RASGRF2: variants seen among roughly 807,000 people sequenced by gnomAD.
RASGRF2 encodes the protein Ras protein specific guanine nucleotide releasing factor 2, also known as ras-specific guanine nucleotide-releasing factor 2.
Under a neutral mutation model 151.0 loss-of-function variants are expected in RASGRF2, and 76 were observed. The ratio of observed to expected loss-of-function variants is 0.50; its 90% CI spans 0.42 to 0.61. RASGRF2 has a LOEUF of 0.61. Ranked by LOEUF, RASGRF2 falls within the 20% of genes least tolerant of loss-of-function variation. The probability of loss-of-function intolerance (pLI) is 0.00; values close to 1 mark genes in which losing one functional copy is unlikely to be tolerated. For synonymous variants in RASGRF2, 504 were observed against 566.5 expected (o/e 0.89, Z 1.57); for missense variants, 1,148 against 1,564.6 (o/e 0.73, Z 4.49).
chr5:81,123,687 C>T lies in RASGRF2; in HGVS notation c.2516C>T (p.Ser839Phe), dbSNP rs61759866. The T allele has an allele frequency of 1.2e-6, 2 of 1,613,990 alleles. No homozygotes were observed. Among genetic ancestry groups the T allele is most frequent in the South Asian group, 1.1e-5 (1 of 91,070 alleles). The change falls in exon 16 of 27, where the codon TCC becomes TTC. Residue 839 changes from serine (S) to phenylalanine (F), a missense_variant. By Grantham distance (155) the Ser-to-Phe change is radical (BLOSUM62 -2). Around this residue, in one of 5 missense-constraint regions of RASGRF2, gnomAD observed 646 missense variants for 807.4 expected, o/e 0.80. Transcript: ENST00000265080. ...APADRAGVES[S>F]PAADTTELSP... ...GCGGACCGAGCAGGAGTGGAAAGCT[C>T]CCCTGCAGCGGACACCACAGAACTT... is the stretch of plus-strand genomic sequence containing the variant.
chr5:81,061,039 C>CA (rs1751415019), intron 2 of RASGRF2, among the ~76,000 whole-genome samples: 1 of 151,778 alleles, frequency 6.6e-6, no homozygotes, highest in Admixed American at 6.6e-5. Flanking sequence ...ATGTTTATCT[C>CA]AATTTCTTGT....
At chr5:81,017,488 T>C (rs2112328811) in intron 1 of RASGRF2, among the ~76,000 whole-genome samples, 1 of 152,162 alleles carries the variant, frequency 6.6e-6, no homozygotes, top group East Asian at 1.9e-4. Flanking sequence ...GGCCTCTGAA[T>C]TGAGGTTTAA....
At chr5:81,057,592 A>T (rs1181475976) in intron 2 of RASGRF2, among the ~76,000 whole-genome samples, 2 of 152,212 alleles carry the variant, frequency 1.3e-5, no homozygotes, top group African/African-American at 4.8e-5. Flanking sequence ...TTTACGAGGT[A>T]CAAGGTGATG....
chr5:81,180,186 A>G lies in RASGRF2; in HGVS notation c.2698A>G (p.Thr900Ala), dbSNP rs151121072. 63 of 1,605,688 alleles carry G rather than the reference A, an allele frequency of 3.9e-5. No individual in the cohort carries two copies. The African/African-American group carries it at 7.0e-4, about 18-fold the overall frequency. ...CTTTTTCTCCTAAGGCTTTAACAAC[A>G]CCGAGAGAACATGTGATAAAGAGTT... ...GHGSPPGFNN[T>A]ERTCDKEFII... is the part of the protein sequence containing the mutation. Residue 900 changes from threonine (T) to alanine (A), a missense_variant, in exon 18 of 27, where the codon ACC becomes GCC. Around this residue, in one of 5 missense-constraint regions of RASGRF2, gnomAD observed 646 missense variants for 807.4 expected, o/e 0.80. Coordinates refer to ENST00000265080, the MANE Select transcript of RASGRF2 (RefSeq NM_006909.3).
chr5:81,166,292 T>C (rs1273310677), intron 17 of RASGRF2, among the ~76,000 whole-genome samples: 1 of 152,114 alleles, frequency 6.6e-6, no homozygotes, highest in African/African-American at 2.4e-5. Context: ...GTTCAAGCAA[T>C]TCTCCTGCCT....
intron 18 of RASGRF2, among the ~76,000 whole-genome samples, chr5:81,198,999 G>A (rs1200139720): frequency 1.3e-5 from 2 of 152,160 alleles, no homozygotes. Flanking sequence ...TTTCCACAGG[G>A]ACTGAACTAA....
Position 81,033,313 on chromosome 5 carries a change from G to C in RASGRF2, c.289-9564G>C, listed in dbSNP as rs568322348. 1.3e-4 allele frequency among the ~76,000 whole-genome samples: 18 copies of C among 141,392 alleles called. No homozygotes were observed. In the East Asian group the frequency reaches 3.5e-3, roughly 27 times the overall value. The allele number at this position is 141,392 out of a possible 152,430, so 92.8% of individuals were successfully genotyped here. Reference sequence around the variant, plus strand: ...AAAAAACTACTTTCAAGTTCATATGGAAGCAAAAAAGAGCCTGCATTGCCA... The same window carrying C: ...AAAAAACTACTTTCAAGTTCATATGCAAGCAAAAAAGAGCCTGCATTGCCA... On this transcript the variant is annotated intron_variant, in intron 1 of 26. Transcript: ENST00000265080.
At chr5:81,077,195 G>A (rs1751964357) in intron 5 of RASGRF2, among the ~76,000 whole-genome samples, 1 of 152,184 alleles carries the variant, frequency 6.6e-6, no homozygotes, top group South Asian at 2.1e-4. Context: ...TGAAAGATTA[G>A]GAGTAGTCAG....
At chr5:81,209,671 G>A (rs1276141575) in intron 22 of RASGRF2, among the ~76,000 whole-genome samples, 1 of 152,122 alleles carries the variant, frequency 6.6e-6, no homozygotes, top group African/African-American at 2.4e-5. Flanking sequence ...TCCCTGCTGT[G>A]GGAAGCAAAC....
At chr5:81,170,802 C>T (rs1477067238) in intron 17 of RASGRF2, among the ~76,000 whole-genome samples, 1 of 152,040 alleles carries the variant, frequency 6.6e-6, no homozygotes, top group East Asian at 1.9e-4. Context: ...TTATGTCTGC[C>T]TCCTCCCAGT....
rs116700616 is a variant in RASGRF2, at chr5:81,040,702, C to T, written c.289-2175C>T. On this transcript the variant is annotated intron_variant, in intron 1 of 26. Transcript: ENST00000265080. The stretch of plus-strand genomic sequence containing the variant: ...TGTGCTTTTTGCTATGGCTTTGCCT[C>T]TCATTTTTGTTTCTACACCTGAGGA... 5.0e-3 allele frequency among the ~76,000 whole-genome samples: 767 copies of T among 152,324 alleles called. 7 individuals carry two copies. The highest frequency in any genetic ancestry group is 0.018 in the African/African-American group (734 of 41,564).
chr5:81,099,330 T>G (rs1216495419), intron 12 of RASGRF2, among the ~76,000 whole-genome samples: 2 of 152,258 alleles, frequency 1.3e-5, no homozygotes, highest in African/African-American at 4.8e-5. Flanking sequence ...ATATTAAATA[T>G]ATTCAGCTGC....
At chr5:81,038,090 C>T (rs1750561094) in intron 1 of RASGRF2, among the ~76,000 whole-genome samples, 1 of 152,284 alleles carries the variant, frequency 6.6e-6, no homozygotes, top group African/African-American at 2.4e-5. Flanking sequence ...TATTATTATA[C>T]AGATATGCCT....
At chr5:80,991,104 C>T (rs1748634173) in intron 1 of RASGRF2, among the ~76,000 whole-genome samples, 1 of 152,146 alleles carries the variant, frequency 6.6e-6, no homozygotes. Context: ...AGCCAGGCCT[C>T]TCAAACCTTA....
chr5:81,168,549 G>T (rs530087854), intron 17 of RASGRF2, among the ~76,000 whole-genome samples: 6 of 152,054 alleles, frequency 3.9e-5, no homozygotes, highest in Non-Finnish European at 7.4e-5. Context: ...GACCTCAGGT[G>T]ATCCACCCAC....
chr5:81,176,422 C>T (rs1042510015), intron 17 of RASGRF2, among the ~76,000 whole-genome samples: 9 of 152,152 alleles, frequency 5.9e-5, no homozygotes, highest in South Asian at 4.2e-4. Flanking sequence ...CTCCATAATC[C>T]GGGAGAATCT....
At chr5:81,069,001 A>G (rs907017706) in intron 3 of RASGRF2, among the ~76,000 whole-genome samples, 3 of 152,230 alleles carry the variant, frequency 2.0e-5, no homozygotes, top group Non-Finnish European at 2.9e-5. Context: ...TGAGATTCAA[A>G]GAAGGGAATA....
intron 1 of RASGRF2, among the ~76,000 whole-genome samples, chr5:81,029,031 C>A (rs1357351739): frequency 1.3e-5 from 2 of 152,188 alleles, no homozygotes; most frequent in Non-Finnish European, 2.9e-5. Context: ...GGTCCCATGC[C>A]CACGGAGCCT....
chr5:81,113,324 G>A (rs1440503283), intron 14 of RASGRF2: 2 of 624,738 alleles, frequency 3.2e-6, no homozygotes, highest in Admixed American at 6.1e-5. Flanking sequence ...TTGGACCACA[G>A]TTTAGTAGCA....
Sources: allele counts gnomAD v4.1 joint callset (sites outside exome capture counted in the v4.1 genomes callset), GRCh38; gene constraint gnomAD v4.1.1; regional missense constraint gnomAD v4.1.1; transcripts MANE v1.5; gene names NCBI Gene and HGNC (gene_info 2026-07-23, HGNC 2026-07-21).